The following ATXN10 variants were observed in gnomAD, a reference collection of about 807,000 sequenced individuals.
The protein encoded by ATXN10 is ataxin 10, also known as ataxin-10.
A neutral mutation model predicts 52.9 loss-of-function variants in ATXN10; 28 were observed. That is an observed-to-expected ratio of 0.53 (90% CI 0.39 to 0.73). The LOEUF is 0.73. Ranked by LOEUF, ATXN10 falls within the 30% of genes least tolerant of loss-of-function variation. The pLI, the probability that ATXN10 is intolerant of heterozygous loss-of-function variation, is 0.00. For synonymous variants in ATXN10, 226 were observed against 221.5 expected, an observed-to-expected ratio of 1.02 and a Z score of -0.18; for missense variants, 565 against 577.0, an observed-to-expected ratio of 0.98 and a Z score of 0.21.
At chr22:45,707,609 T>C (rs1404592415) in intron 5 of ATXN10, among the ~76,000 whole-genome samples, 1 of 150,232 alleles carries the variant, frequency 6.7e-6, no homozygotes, top group Non-Finnish European at 1.5e-5. Flanking sequence ...CAAAAGGTCA[T>C]AAAGGGCAAA....
At chr22:45,834,959 T>G (rs1929117682) in intron 10 of ATXN10, among the ~76,000 whole-genome samples, 1 of 152,222 alleles carries the variant, frequency 6.6e-6, no homozygotes, top group South Asian at 2.1e-4. Context: ...TGGTATTGGT[T>G]GTTTCTGACC....
intron 9 of ATXN10, among the ~76,000 whole-genome samples, chr22:45,756,459 G>A (rs1926177874): frequency 6.6e-6 from 1 of 152,154 alleles, no homozygotes; most frequent in African/African-American, 2.4e-5. Context: ...CCCTTTTTAA[G>A]TAATCAATAT....
rs1929139173 is a variant in ATXN10 at position 45,835,538 on chromosome 22, A to G, written c.1238-7453A>G. Among the ~76,000 whole-genome samples, 1 of 152,224 alleles carries G rather than the reference A, an allele frequency of 6.6e-6. No homozygotes were observed. The highest frequency in any genetic ancestry group is 2.1e-4 in the South Asian group (1 of 4,834). On this transcript the variant is annotated intron_variant, in intron 10 of 11. Transcript: ENST00000252934. This position sits in a 1 kb window ranked among gnomAD's most constrained non-coding sequence, Gnocchi z 5.0. ...AATGGGCCTTCGTTTCAGCATCTTT[A>G]ATAAAGTACTGATTTGGGTTATGCA... is the stretch of plus-strand genomic sequence containing the variant.
rs925842264 is a variant in ATXN10 at position 45,805,065 on chromosome 22, C to A, written c.1174-1894C>A. Among the ~76,000 whole-genome samples the A allele has an allele frequency of 1.3e-5, 2 of 152,150 alleles. No homozygotes were observed. Among genetic ancestry groups the A allele is most frequent in the Admixed American group, 1.3e-4 (2 of 15,276 alleles). ...TTTGTACCGTAGTTTATGTAAGCAA[C>A]CCCCATTCGTGGAGACTTGAGTTGT... On this transcript the variant is annotated intron_variant, in intron 9 of 11. Coordinates refer to ENST00000252934, the MANE Select transcript of ATXN10 (RefSeq NM_013236.4). The surrounding 1 kb of genome is among the most constrained non-coding windows in gnomAD (Gnocchi z 4.4).
At chr22:45,706,618 C>G (rs969780623) in intron 5 of ATXN10, among the ~76,000 whole-genome samples, 1 of 147,326 alleles carries the variant, frequency 6.8e-6, no homozygotes, top group African/African-American at 2.5e-5. Context: ...CTTTTACTTT[C>G]ATTTATTTCA....
chr22:45,830,876 G>T (rs775973697), intron 10 of ATXN10, among the ~76,000 whole-genome samples: 18 of 152,188 alleles, frequency 1.2e-4, no homozygotes, highest in Non-Finnish European at 2.2e-4. Flanking sequence ...ATACCCGAAA[G>T]AATTGAGAGT....
intron 5 of ATXN10, among the ~76,000 whole-genome samples, chr22:45,706,487 G>T (rs1924045940): frequency 6.6e-6 from 1 of 152,120 alleles, no homozygotes; most frequent in African/African-American, 2.4e-5. Context: ...AAGATGGAAG[G>T]TTAGGTTACT....
rs190854247 is a variant in ATXN10 at position 45,690,896 on chromosome 22, T to G, written c.308+993T>G. On this transcript the variant is annotated intron_variant, in intron 2 of 11. Transcript: ENST00000252934. The surrounding 1 kb of genome is among the most constrained non-coding windows in gnomAD (Gnocchi z 4.5). ...CAAACAGGATGCTCACTTTCCTTCCTGGACTTGGATGTAGACAGAGCCTCC... is the reference window on the plus strand; with the variant it reads ...CAAACAGGATGCTCACTTTCCTTCCGGGACTTGGATGTAGACAGAGCCTCC... 1.3e-5 allele frequency among the ~76,000 whole-genome samples: 2 copies of G among 152,202 alleles called. No individual in the cohort carries two copies. The highest frequency in any genetic ancestry group is 4.8e-5 in the African/African-American group (2 of 41,452).
chr22:45,751,763 A>AAAAATAATAAT, intron 9 of ATXN10, among the ~76,000 whole-genome samples: 2 of 66,630 alleles, frequency 3.0e-5, no homozygotes, highest in East Asian at 3.1e-4. Flanking sequence ...AATAAAAAAA[A>AAAAATAATAAT]AATAATAATA....
Position 45,685,729 on chromosome 22 carries a change from C to G in ATXN10, c.117-3983C>G, listed in dbSNP as rs140764573. On this transcript the variant is annotated intron_variant, in intron 1 of 11. Transcript: ENST00000252934. ...AATGCTTTCATAGTATTTACTGTTACTGAATAAAAGCTTCTTTGTCCTCAT... is the reference window on the plus strand; with the variant it reads ...AATGCTTTCATAGTATTTACTGTTAGTGAATAAAAGCTTCTTTGTCCTCAT... Among the ~76,000 whole-genome samples, 479 of 152,212 alleles carry G rather than the reference C, an allele frequency of 3.1e-3. 1 individual carries two copies. The highest frequency in any genetic ancestry group is 5.3e-3 in the Non-Finnish European group (357 of 68,000).
chr22:45,781,523 C>A lies in ATXN10; in HGVS notation c.1174-25436C>A, dbSNP rs560379055. Among the ~76,000 whole-genome samples the A allele has an allele frequency of 1.3e-5, 2 of 152,316 alleles. No homozygotes were observed. Among genetic ancestry groups the A allele is most frequent in the African/African-American group, 4.8e-5 (2 of 41,558 alleles). ...AAATAGGAGACTTAAACTTAAGATT[C>A]AGTCTTCTCATACCACTACACCCAA... On this transcript the variant is annotated intron_variant, in intron 9 of 11. Transcript: ENST00000252934. This position sits in a 1 kb window ranked among gnomAD's most constrained non-coding sequence, Gnocchi z 4.2.
chr22:45,785,274 A>G (rs894945235), intron 9 of ATXN10, among the ~76,000 whole-genome samples: 4 of 152,154 alleles, frequency 2.6e-5, no homozygotes, highest in Admixed American at 6.5e-5. Flanking sequence ...TTCTTGATTC[A>G]TATTTTCTCC....
rs1927716765 is a variant in ATXN10 at position 45,795,840 on chromosome 22, C to G, written c.1174-11119C>G. 6.6e-6 allele frequency among the ~76,000 whole-genome samples: 1 copy of G among 152,178 alleles called. No individual in the cohort carries two copies. Among genetic ancestry groups the G allele is most frequent in the South Asian group, 2.1e-4 (1 of 4,832 alleles). On this transcript the variant is annotated intron_variant, in intron 9 of 11. Transcript: ENST00000252934. This position sits in a 1 kb window ranked among gnomAD's most constrained non-coding sequence, Gnocchi z 4.6. Reference sequence around the variant, plus strand: ...CCTGTCTTGTCTTTAATATCTTAATCTCGTCATCTTCATAAGCTGAGGATG... The same window carrying G: ...CCTGTCTTGTCTTTAATATCTTAATGTCGTCATCTTCATAAGCTGAGGATG...
intron 5 of ATXN10, among the ~76,000 whole-genome samples, chr22:45,709,488 CTT>C (rs1263808426): frequency 1.3e-5 from 2 of 149,920 alleles, no homozygotes; most frequent in Non-Finnish European, 1.5e-5. Flanking sequence ...TCTGTCTCAT[CTT>C]TGTCTCATTT....
At position 45,786,157 on chromosome 22, in the gene ATXN10, T is replaced by G. The variant is rs1927315812; in HGVS notation, c.1174-20802T>G. On this transcript the variant is annotated intron_variant, in intron 9 of 11. Transcript: ENST00000252934. The surrounding 1 kb of genome is among the most constrained non-coding windows in gnomAD (Gnocchi z 4.1). ...AAGAAAAGATAGTTGCTAATTTTTC[T>G]GGAATTTGGTAGTTGAACTCAGAGA... Among the ~76,000 whole-genome samples the G allele has an allele frequency of 6.6e-6, 1 of 152,256 alleles. No homozygotes were observed. The highest frequency in any genetic ancestry group is 1.5e-5 in the Non-Finnish European group (1 of 68,038).
In ATXN10 at chr22:45,841,371, A is replaced by G. The variant is rs1569085476; in HGVS notation, c.1238-1620A>G. Among the ~76,000 whole-genome samples the G allele has an allele frequency of 1.3e-5, 2 of 152,234 alleles. No homozygotes were observed. On this transcript the variant is annotated intron_variant, in intron 10 of 11. Coordinates refer to ENST00000252934, the MANE Select transcript of ATXN10 (RefSeq NM_013236.4). The surrounding 1 kb of genome is among the most constrained non-coding windows in gnomAD (Gnocchi z 5.1). ...TATACCCACCAGTGGTTTTGATGCTAAACCTCCAAAGACCAGCAGGTCATT... is the reference window on the plus strand; with the variant it reads ...TATACCCACCAGTGGTTTTGATGCTGAACCTCCAAAGACCAGCAGGTCATT...
In ATXN10 at chr22:45,825,233, C is replaced by T. The variant is rs963056172; in HGVS notation, c.1238-17758C>T. ...AAAGGAGTGGAGACCATTATTGTTG[C>T]ATCTGCCCCCATTGTTGTAAGTCCT... On this transcript the variant is annotated intron_variant, in intron 10 of 11. Coordinates refer to ENST00000252934, the MANE Select transcript of ATXN10 (RefSeq NM_013236.4). The surrounding 1 kb of genome is among the most constrained non-coding windows in gnomAD (Gnocchi z 4.5). Among the ~76,000 whole-genome samples, 1 of 152,206 alleles carries T rather than the reference C, an allele frequency of 6.6e-6. No individual in the cohort carries two copies. Among genetic ancestry groups the T allele is most frequent in the Non-Finnish European group, 1.5e-5 (1 of 68,044 alleles).
chr22:45,751,763 A>ATAAT (rs1555892689), intron 9 of ATXN10, among the ~76,000 whole-genome samples: 3 of 66,622 alleles, frequency 4.5e-5, no homozygotes, highest in African/African-American at 7.2e-5. Flanking sequence ...AATAAAAAAA[A>ATAAT]AATAATAATA....
In ATXN10 at chr22:45,770,482, A is replaced by G. The variant is rs1450060109; in HGVS notation, c.1173+29944A>G. Among the ~76,000 whole-genome samples the G allele has an allele frequency of 6.6e-6, 1 of 152,212 alleles. No individual in the cohort carries two copies. Among genetic ancestry groups the G allele is most frequent in the Non-Finnish European group, 1.5e-5 (1 of 68,036 alleles). On this transcript the variant is annotated intron_variant, in intron 9 of 11. Coordinates refer to ENST00000252934, the MANE Select transcript of ATXN10 (RefSeq NM_013236.4). The surrounding 1 kb of genome is among the most constrained non-coding windows in gnomAD (Gnocchi z 4.5). ...ATGTGTGTTGCAACATTAGGTTGCA[A>G]TGCATATGTGTTTCTTACGATCAGA...
Sources: allele counts gnomAD v4.1 joint callset (sites outside exome capture counted in the v4.1 genomes callset), GRCh38; gene constraint gnomAD v4.1.1; non-coding constraint Gnocchi (gnomAD v3.1); transcripts MANE v1.5; gene names NCBI Gene and HGNC (gene_info 2026-07-23, HGNC 2026-07-21).